The following SLC22A15 variants were observed in gnomAD, a reference collection of about 807,000 sequenced individuals.
SLC22A15 encodes flipt 1.
A neutral mutation model predicts 62.7 loss-of-function variants in SLC22A15; 45 were observed. That is an observed-to-expected ratio of 0.72 (90% CI 0.56 to 0.92). The LOEUF (loss-of-function observed/expected upper bound fraction) is 0.92, where lower values mean the gene tolerates loss of function less well. SLC22A15 is among the 40% of genes least tolerant of loss of function. The probability of loss-of-function intolerance (pLI) is 0.00; values close to 1 mark genes in which losing one functional copy is unlikely to be tolerated. For synonymous variants in SLC22A15, 264 were observed against 267.0 expected (o/e 0.99, Z 0.11); for missense variants, 622 against 665.6 (o/e 0.93, Z 0.72).
At position 115,991,962 on chromosome 1, in the gene SLC22A15, C is replaced by G. The variant is rs12077949; in HGVS notation, c.88-69C>G. On this transcript the variant is annotated intron_variant, in intron 1 of 11. Coordinates refer to ENST00000369503, the MANE Select transcript of SLC22A15 (RefSeq NM_018420.3). ...ACACTGATCTTTCAAGGTTTGCAAG[C>G]CTGCTAAGTGTCTTCAACATTGATG... The G allele has an allele frequency of 3.8e-3, 5,079 of 1,336,828 alleles. 174 individuals carry two copies. In the African/African-American group the frequency reaches 0.064, roughly 17 times the overall value. 82.8% of individuals were successfully genotyped at this position (1,336,828 alleles called of 1,614,324 possible).
chr1:116,042,431 TAAAA>T (rs869152382), intron 8 of SLC22A15, among the ~76,000 whole-genome samples: 10 of 151,346 alleles, frequency 6.6e-5, no homozygotes, highest in African/African-American at 2.4e-4. Flanking sequence ...GTTAAAGACA[TAAAA>T]AAACTATACA....
chr1:116,045,599 C>T (rs182969688), intron 8 of SLC22A15, among the ~76,000 whole-genome samples: 14 of 151,408 alleles, frequency 9.2e-5, no homozygotes, highest in South Asian at 4.2e-4. Flanking sequence ...ATTAGCTGGG[C>T]GTGGTGGTGC....
chr1:115,996,007 A>G (rs991259326), intron 2 of SLC22A15, among the ~76,000 whole-genome samples: 5 of 152,224 alleles, frequency 3.3e-5, no homozygotes, highest in Admixed American at 2.6e-4. Flanking sequence ...CACCACAAGG[A>G]TCCTTCATGT....
chr1:115,981,719 T>C (rs1249023894), intron 1 of SLC22A15, among the ~76,000 whole-genome samples: 1 of 152,118 alleles, frequency 6.6e-6, no homozygotes, highest in Non-Finnish European at 1.5e-5. Flanking sequence ...ATTAGGACAT[T>C]CCATGGAAAG....
chr1:116,064,621 A>G, intron 10 of SLC22A15, 113 bp downstream of exon 10: 1 of 754,820 alleles, frequency 1.3e-6, no homozygotes, highest in Admixed American at 2.1e-5. Context: ...GCTGACACAA[A>G]TGTGAACCTT....
At chr1:115,992,648 G>T (rs1448506037) in intron 2 of SLC22A15, among the ~76,000 whole-genome samples, 1 of 140,592 alleles carries the variant, frequency 7.1e-6, no homozygotes, top group African/African-American at 2.6e-5. Flanking sequence ...TTGAGACGGA[G>T]TCTTGCTTTG....
chr1:116,040,244 A>G (rs540395871), intron 8 of SLC22A15, among the ~76,000 whole-genome samples: 1 of 152,296 alleles, frequency 6.6e-6, no homozygotes, highest in South Asian at 2.1e-4. Context: ...TGCCCAGTAT[A>G]TATTTGCATG....
intron 1 of SLC22A15, among the ~76,000 whole-genome samples, chr1:115,988,604 T>TC (rs889821936): frequency 2.4e-4 from 37 of 152,118 alleles, no homozygotes; most frequent in Admixed American, 8.5e-4. Flanking sequence ...CGTTGCAACC[T>TC]CCGTCTCCTG....
chr1:115,977,336 C>T (rs2452551), intron 1 of SLC22A15, among the ~76,000 whole-genome samples: 60,115 of 152,126 alleles, frequency 0.4, 12,397 homozygotes, highest in East Asian at 0.59. Flanking sequence ...CGAATAGTGC[C>T]ATCTACCATG....
In SLC22A15 at chr1:116,026,894, A is replaced by G; in HGVS notation, c.600A>G (p.Gly200=). ...CVGTAYWALA[G]SIGGLFFAVG... ...ACAGTTCTCTTTTCCCTGAATTAGGATCGATTGGCGGCCTGTTCTTTGCAG... is the reference window on the plus strand; with the variant it reads ...ACAGTTCTCTTTTCCCTGAATTAGGGTCGATTGGCGGCCTGTTCTTTGCAG... Residue 200 remains glycine (G), a splice_region_variant and synonymous_variant, in exon 5 of 12, where the codon GGA becomes GGG. Coordinates refer to ENST00000369503, the MANE Select transcript of SLC22A15 (RefSeq NM_018420.3). 1 of 1,612,764 alleles carries G rather than the reference A, an allele frequency of 6.2e-7. No homozygotes were observed. Among genetic ancestry groups the G allele is most frequent in the Non-Finnish European group, 8.5e-7 (1 of 1,179,768 alleles).
rs960333662 is a variant in SLC22A15 at position 116,068,685 on chromosome 1, G to A, written c.*1577G>A. ...TATTACTGTTTCTAGCCATCAGGGA[G>A]ATTGTGGAACTCCTCCCAGTATAAT... On this transcript the variant is annotated 3_prime_UTR_variant, in exon 12 of 12. Coordinates refer to ENST00000369503, the MANE Select transcript of SLC22A15 (RefSeq NM_018420.3). 6.6e-6 allele frequency: 1 copy of A among 152,150 alleles called. No individual in the cohort carries two copies. The highest frequency in any genetic ancestry group is 2.4e-5 in the African/African-American group (1 of 41,446). 9.4% of individuals were successfully genotyped at this position (152,150 alleles called of 1,614,324 possible). A position where few individuals can be genotyped will look rare whatever the true frequency, so the allele number is the denominator to read the frequency against.
chr1:116,052,400 C>T (rs574706316), intron 8 of SLC22A15, among the ~76,000 whole-genome samples: 61 of 152,346 alleles, frequency 4.0e-4, no homozygotes, highest in African/African-American at 1.3e-3. Context: ...CCGGGAAGCT[C>T]GAACTGGGTG....
chr1:116,045,356 A>G (rs1251462567), intron 8 of SLC22A15, among the ~76,000 whole-genome samples: 2 of 152,006 alleles, frequency 1.3e-5, no homozygotes, highest in Admixed American at 6.6e-5. Flanking sequence ...CAATACTAAA[A>G]TTTTTATGGA....
In SLC22A15 at chr1:116,056,637, G is replaced by A. The variant is rs1370348922; in HGVS notation, c.1172-6125G>A. Among the ~76,000 whole-genome samples, 430 of 150,092 alleles carry A rather than the reference G, an allele frequency of 2.9e-3. 5 individuals are homozygous for A. Among genetic ancestry groups the A allele is most frequent in the Middle Eastern group, 0.021 (6 of 290 alleles). ...AAAAGAACAAAGCTGGAGGCATCAC[G>A]CTACCTGACTTCAAACTATACTACA... On this transcript the variant is annotated intron_variant, in intron 8 of 11. Coordinates refer to ENST00000369503, the MANE Select transcript of SLC22A15 (RefSeq NM_018420.3).
intron 2 of SLC22A15, among the ~76,000 whole-genome samples, chr1:116,006,751 A>G (rs754906019): frequency 6.7e-6 from 1 of 148,312 alleles, no homozygotes; most frequent in Admixed American, 6.7e-5. Flanking sequence ...GCTTGTTCCC[A>G]TGTCTCTTCA....
intron 2 of SLC22A15, among the ~76,000 whole-genome samples, chr1:116,005,459 A>G (rs1268818808): frequency 2.0e-5 from 3 of 150,636 alleles, no homozygotes; most frequent in African/African-American, 7.5e-5. Flanking sequence ...CTATTACTAC[A>G]TTATAATGAA....
chr1:116,000,444 ACTGT>A (rs751169235), intron 2 of SLC22A15, among the ~76,000 whole-genome samples: 3 of 151,984 alleles, frequency 2.0e-5, no homozygotes, highest in Non-Finnish European at 4.4e-5. Context: ...AACTTCTTAT[ACTGT>A]CTATTTCTTA....
At chr1:115,981,226 GACTA>G (rs1342856609) in intron 1 of SLC22A15, among the ~76,000 whole-genome samples, 5 of 152,182 alleles carry the variant, frequency 3.3e-5, no homozygotes, top group Admixed American at 6.5e-5. Flanking sequence ...AGTTATAAAA[GACTA>G]ACTGTCATCC....
rs771987670 is a variant in SLC22A15, at chr1:116,031,555, A to G, written c.918A>G (p.Gly306=). Reference sequence around the variant, plus strand: ...TCTTTCGTTACCGGGTCCTGTTAGGACACACTTTGATCCTGATGTTCATCT... The same window carrying G: ...TCTTTCGTTACCGGGTCCTGTTAGGGCACACTTTGATCCTGATGTTCATCT... ...LDLFRYRVLL[G]HTLILMFIWF... Residue 306 remains glycine, a synonymous_variant, in exon 6 of 12, where the codon GGA becomes GGG. Coordinates refer to ENST00000369503, the MANE Select transcript of SLC22A15 (RefSeq NM_018420.3). 4 of 1,613,896 alleles carry G rather than the reference A, an allele frequency of 2.5e-6. No homozygotes were observed. The East Asian group carries it at 6.7e-5, about 27-fold the overall frequency.
Sources: allele counts gnomAD v4.1 joint callset (sites outside exome capture counted in the v4.1 genomes callset), GRCh38; gene constraint gnomAD v4.1.1; transcripts MANE v1.5; gene names NCBI Gene and HGNC (gene_info 2026-07-23, HGNC 2026-07-21).